Variants in NRG2 observed in about 807,000 individuals in gnomAD.
NRG2 encodes the protein neuregulin 2, also known as pro-neuregulin-2, membrane-bound isoform.
NRG2 carries 27 observed loss-of-function variants against 73.9 expected under a neutral mutation model. The observed-to-expected ratio is 0.37, with a 90% confidence interval of 0.27 to 0.50. The LOEUF is 0.50. Among genes scored for constraint, NRG2 ranks in the 20% least tolerant of loss-of-function variants. The pLI, the probability that NRG2 is intolerant of heterozygous loss-of-function variation, is 0.96. For synonymous variants in NRG2, 532 were observed against 541.0 expected (o/e 0.98, Z 0.23); for missense variants, 1,126 against 1,210.1 (o/e 0.93, Z 1.03).
intron 6 of NRG2, among the ~76,000 whole-genome samples, chr5:139,854,822 G>T (rs1246025761): frequency 6.6e-6 from 1 of 151,492 alleles, no homozygotes; most frequent in African/African-American, 2.4e-5. Flanking sequence ...AGGGAGCCTG[G>T]GTTTATCCAA....
At chr5:139,982,775 C>G (rs1026536181) in intron 1 of NRG2, among the ~76,000 whole-genome samples, 1 of 152,182 alleles carries the variant, frequency 6.6e-6, no homozygotes, top group Non-Finnish European at 1.5e-5. Context: ...TCCCCTGGTC[C>G]AGTGAGCAGG....
intron 1 of NRG2, among the ~76,000 whole-genome samples, chr5:139,937,471 T>C (rs1752933544): frequency 6.6e-6 from 1 of 151,694 alleles, no homozygotes; most frequent in African/African-American, 2.4e-5. Context: ...AAAATGTAAG[T>C]GGAAAAAAAA....
chr5:140,023,932 A>G (rs6891658), intron 1 of NRG2, among the ~76,000 whole-genome samples: 31,907 of 152,108 alleles, frequency 0.21, 3,471 homozygotes, highest in Admixed American at 0.25. Context: ...CAAGTCTTCT[A>G]TCTATGGAGT....
intron 1 of NRG2, among the ~76,000 whole-genome samples, chr5:140,013,287 C>T (rs2126648874): frequency 6.6e-6 from 1 of 152,292 alleles, no homozygotes; most frequent in Non-Finnish European, 1.5e-5. Context: ...CTCTTCTACT[C>T]TAAGAAAGCA....
chr5:139,848,475 CCCGGGCCCGGGCCCGGGT>C lies in NRG2; in HGVS notation c.1977_1994del (p.Pro662_Gly667del), dbSNP rs763612026. On this transcript the variant is annotated inframe_deletion, in exon 10 of 10. Transcript: ENST00000361474. Reference sequence around the variant, plus strand: ...AGCTGCGCTGCATGTCTGCGCCGGGCCCGGGCCCGGGCCCGGGTCCGGGTCCCGGGCCGGGGGGCGCCG... The same window carrying C: ...AGCTGCGCTGCATGTCTGCGCCGGGCCCGGGTCCCGGGCCGGGGGGCGCCG... 1.5e-4 allele frequency: 200 copies of C among 1,332,030 alleles called. 5 individuals carry two copies. The South Asian group carries it at 2.1e-3, about 14-fold the overall frequency. The allele number at this position is 1,332,030 out of a possible 1,614,324, so 82.5% of individuals were successfully genotyped here. A position where few individuals can be genotyped will look rare whatever the true frequency, so the allele number is the denominator to read the frequency against.
At chr5:139,984,035 T>C (rs946492717) in intron 1 of NRG2, among the ~76,000 whole-genome samples, 1 of 152,204 alleles carries the variant, frequency 6.6e-6, no homozygotes, top group Non-Finnish European at 1.5e-5. Flanking sequence ...TTTACATTAA[T>C]AATGAATGAA....
rs143481286 is a variant in NRG2, at chr5:139,907,776, G to C, written c.701-20265C>G. On this transcript the variant is annotated intron_variant, in intron 1 of 9. Coordinates refer to ENST00000361474, the MANE Select transcript of NRG2 (RefSeq NM_004883.3). Reference sequence around the variant, plus strand: ...TGGGTAGGATTTTGATGGGGGTCAGGTGAGAGATTCCAGATGAGTGGGATA... The same window carrying C: ...TGGGTAGGATTTTGATGGGGGTCAGCTGAGAGATTCCAGATGAGTGGGATA... 4.8e-3 allele frequency among the ~76,000 whole-genome samples: 725 copies of C among 152,308 alleles called. 5 individuals carry two copies. The highest frequency in any genetic ancestry group is 0.016 in the African/African-American group (682 of 41,554).
chr5:139,907,677 C>T (rs185005802), intron 1 of NRG2, among the ~76,000 whole-genome samples: 27 of 152,214 alleles, frequency 1.8e-4, no homozygotes, highest in African/African-American at 6.0e-4. Context: ...AAAGGGGGCA[C>T]GAGCACTCTC....
chr5:139,863,020 C>T (rs1191742096), intron 5 of NRG2, among the ~76,000 whole-genome samples: 1 of 152,208 alleles, frequency 6.6e-6, no homozygotes, highest in African/African-American at 2.4e-5. Flanking sequence ...GCTGATGCTG[C>T]CCTGCCCCCG....
intron 1 of NRG2, among the ~76,000 whole-genome samples, chr5:139,973,654 G>A (rs778840154): frequency 1.2e-4 from 19 of 152,130 alleles, no homozygotes; most frequent in Non-Finnish European, 2.4e-4. Context: ...GAGCCACCGC[G>A]TCTTGCTAAT....
At chr5:139,938,896 G>GA (rs1449054380) in intron 1 of NRG2, among the ~76,000 whole-genome samples, 2 of 70,250 alleles carry the variant, frequency 2.8e-5, no homozygotes, top group Non-Finnish European at 5.4e-5. Flanking sequence ...AAGAAAGAAA[G>GA]AAAGAAAGAA....
intron 2 of NRG2, among the ~76,000 whole-genome samples, chr5:139,883,608 A>G (rs3777098): frequency 0.067 from 10,259 of 152,132 alleles, 925 homozygotes; most frequent in African/African-American, 0.2. Flanking sequence ...TGGGCAGACA[A>G]GACAGAGAAC....
At chr5:140,012,989 T>C (rs1265490866) in intron 1 of NRG2, among the ~76,000 whole-genome samples, 1 of 152,170 alleles carries the variant, frequency 6.6e-6, no homozygotes, top group African/African-American at 2.4e-5. Context: ...AATCATACTG[T>C]ACCTCCCTAG....
rs888150343 is a variant in NRG2, at chr5:139,870,294, G to C, written c.1112+1427C>G. ...GGTTGAGAACTTCCCTAGAGGGCCT[G>C]TTGTTGCTACTGGGACTCTCCTCTA... On this transcript the variant is annotated intron_variant, in intron 4 of 9. Transcript: ENST00000361474. This position sits in a 1 kb window ranked among gnomAD's most constrained non-coding sequence, Gnocchi z 4.4. 1.3e-5 allele frequency among the ~76,000 whole-genome samples: 2 copies of C among 152,138 alleles called. No homozygotes were observed. The highest frequency in any genetic ancestry group is 2.4e-5 in the African/African-American group (1 of 41,422).
intron 1 of NRG2, among the ~76,000 whole-genome samples, chr5:139,924,541 TTCC>T (rs1751910772): frequency 6.6e-6 from 1 of 152,242 alleles, no homozygotes; most frequent in Non-Finnish European, 1.5e-5. Flanking sequence ...TGTTTGTTTC[TTCC>T]TTTGTGTTCT....
intron 1 of NRG2, 93 bp downstream of exon 1, chr5:140,042,274 CAGG>C: frequency 3.5e-6 from 2 of 573,028 alleles, no homozygotes; most frequent in Non-Finnish European, 4.8e-6. Context: ...CGGACGCTGC[CAGG>C]CCCGGGCACC....
chr5:140,037,344 A>G (rs1249745483), intron 1 of NRG2, among the ~76,000 whole-genome samples: 2 of 152,206 alleles, frequency 1.3e-5, no homozygotes, highest in Non-Finnish European at 2.9e-5. Context: ...AGACTTATAC[A>G]ATGTATTGTC....
At chr5:139,973,156 CAA>C (rs58053481) in intron 1 of NRG2, among the ~76,000 whole-genome samples, 110 of 89,438 alleles carry the variant, frequency 1.2e-3, no homozygotes, top group African/African-American at 2.9e-3. Context: ...TAAGAATATG[CAA>C]AAAAAAAAAA....
At chr5:139,946,354 A>G (rs1325897128) in intron 1 of NRG2, among the ~76,000 whole-genome samples, 1 of 152,126 alleles carries the variant, frequency 6.6e-6, no homozygotes, top group Non-Finnish European at 1.5e-5. Context: ...AAGTAATGTA[A>G]TCAGGAAAGA....
Sources: gnomAD v4.1 joint callset for allele counts (sites outside exome capture counted in the v4.1 genomes callset) on GRCh38, gnomAD v4.1.1 for gene constraint, Gnocchi (gnomAD v3.1) non-coding constraint, MANE v1.5 for transcripts, NCBI Gene and HGNC (gene_info 2026-07-23, HGNC 2026-07-21) for gene names.